Variants in GNAT3 observed in about 807,000 individuals in gnomAD.
GNAT3 encodes the protein G protein subunit alpha transducin 3.
GNAT3 carries 31 observed loss-of-function variants against 37.7 expected under a neutral mutation model. The ratio of observed to expected loss-of-function variants is 0.82; its 90% CI spans 0.62 to 1.11. The LOEUF (loss-of-function observed/expected upper bound fraction) is 1.11, where lower values mean the gene tolerates loss of function less well. Ranked by LOEUF, GNAT3 falls within the 50% of genes most tolerant of loss-of-function variation. The pLI is 0.00. For missense variants in GNAT3, 437 were observed against 412.5 expected (o/e 1.06, Z -0.51); for synonymous variants, 138 against 139.8 (o/e 0.99, Z 0.09).
chr7:80,486,927 A>G (rs1790495184), intron 3 of GNAT3, among the ~76,000 whole-genome samples: 1 of 152,110 alleles, frequency 6.6e-6, no homozygotes, highest in Non-Finnish European at 1.5e-5. Context: ...GCATCTACAA[A>G]TTTAAACATC....
intron 7 of GNAT3, among the ~76,000 whole-genome samples, chr7:80,460,729 C>T (rs193123065): frequency 6.7e-6 from 1 of 150,178 alleles, no homozygotes; most frequent in East Asian, 2.0e-4. Flanking sequence ...GCCTGGGCAA[C>T]AGGGTGAGAC....
chr7:80,485,164 T>TTG (rs202006387), intron 3 of GNAT3, among the ~76,000 whole-genome samples: 3,805 of 102,518 alleles, frequency 0.037, 69 homozygotes, highest in Middle Eastern at 0.06. Flanking sequence ...GCAGAAAATA[T>TTG]TGTGTGTTTT....
At chr7:80,475,822 T>TA (rs1333306320) in intron 4 of GNAT3, among the ~76,000 whole-genome samples, 1 of 152,060 alleles carries the variant, frequency 6.6e-6, no homozygotes, top group East Asian at 1.9e-4. Flanking sequence ...CGGCCGAGAG[T>TA]AAAAATCACA....
intron 3 of GNAT3, 66 bp from the exon 4 acceptor site, chr7:80,479,064 G>A (rs1010872579): frequency 1.8e-6 from 2 of 1,104,794 alleles, no homozygotes; most frequent in Non-Finnish European, 2.6e-6. Context: ...TTTTCTAATA[G>A]AGTAATTTAC....
chr7:80,471,611 T>G (rs2116156417), intron 5 of GNAT3, among the ~76,000 whole-genome samples: 1 of 152,204 alleles, frequency 6.6e-6, no homozygotes, highest in Middle Eastern at 3.4e-3. Flanking sequence ...CCCTCCCGCC[T>G]TCTCTCTGAA....
intron 1 of GNAT3, among the ~76,000 whole-genome samples, chr7:80,499,120 A>T (rs918333625): frequency 1.3e-5 from 2 of 152,114 alleles, no homozygotes; most frequent in African/African-American, 4.8e-5. Flanking sequence ...ATAATTGTAT[A>T]GTAGAAAGAA....
At chr7:80,497,535 TATATATAC>T (rs1209091060) in intron 1 of GNAT3, among the ~76,000 whole-genome samples, 6 of 149,328 alleles carry the variant, frequency 4.0e-5, no homozygotes, top group East Asian at 4.0e-4. Flanking sequence ...TCTCTCTCTA[TATATATAC>T]ACATATACGT....
In GNAT3 at chr7:80,488,534, C is replaced by G; in HGVS notation, c.303+1G>C. On this transcript the variant is annotated splice_donor_variant, in intron 3 of 7. Coordinates refer to ENST00000398291, the MANE Select transcript of GNAT3 (RefSeq NM_001102386.3). LOFTEE classifies it high-confidence loss of function. ...ACAGCTGTCATTATTTGCATACTTACTGCACTTCTGGGATTTACATAATCA... is the reference window on the plus strand; with the variant it reads ...ACAGCTGTCATTATTTGCATACTTAGTGCACTTCTGGGATTTACATAATCA... 6.3e-7 allele frequency: 1 copy of G among 1,599,306 alleles called. No individual in the cohort carries two copies. The highest frequency in any genetic ancestry group is 8.5e-7 in the Non-Finnish European group (1 of 1,171,480).
intron 1 of GNAT3, among the ~76,000 whole-genome samples, chr7:80,506,322 A>G (rs1245948205): frequency 6.6e-6 from 1 of 152,202 alleles, no homozygotes; most frequent in Non-Finnish European, 1.5e-5. Flanking sequence ...ATGTTTTACT[A>G]AATGGTTTGC....
At chr7:80,489,279 A>G (rs1348337505) in intron 2 of GNAT3, among the ~76,000 whole-genome samples, 1 of 152,058 alleles carries the variant, frequency 6.6e-6, no homozygotes, top group Non-Finnish European at 1.5e-5. Context: ...TCTACCTTCC[A>G]CTCATTCAGC....
At chr7:80,484,743 T>A (rs908330481) in intron 3 of GNAT3, among the ~76,000 whole-genome samples, 1 of 152,092 alleles carries the variant, frequency 6.6e-6, no homozygotes, top group African/African-American at 2.4e-5. Context: ...TTTCAAGTTC[T>A]ATGCTTAGGA....
intron 1 of GNAT3, among the ~76,000 whole-genome samples, chr7:80,497,881 A>C (rs1790763623): frequency 6.6e-6 from 1 of 152,078 alleles, no homozygotes; most frequent in African/African-American, 2.4e-5. Flanking sequence ...TAATTTCTAC[A>C]ATAAAGTGAA....
intron 7 of GNAT3, 123 bp from the exon 8 acceptor site, chr7:80,458,984 G>A: frequency 3.1e-6 from 2 of 651,024 alleles, no homozygotes; most frequent in South Asian, 4.4e-5. Flanking sequence ...AAATCATAAA[G>A]GCAACGGTCA....
intron 3 of GNAT3, among the ~76,000 whole-genome samples, chr7:80,481,803 C>T (rs780045208): frequency 4.6e-5 from 7 of 152,156 alleles, no homozygotes; most frequent in Non-Finnish European, 8.8e-5. Context: ...TTGGTCTCCA[C>T]AGACTCTTAA....
intron 5 of GNAT3, among the ~76,000 whole-genome samples, chr7:80,463,833 C>A (rs1790092942): frequency 7.0e-6 from 1 of 141,862 alleles, no homozygotes; most frequent in Non-Finnish European, 1.6e-5. Context: ...TTCTCTCATG[C>A]CTTGATAACT....
intron 1 of GNAT3, among the ~76,000 whole-genome samples, chr7:80,500,990 C>G (rs1790822263): frequency 6.6e-6 from 1 of 151,598 alleles, no homozygotes; most frequent in South Asian, 2.1e-4. Context: ...GGATGATTGA[C>G]CTGCCATTGT....
chr7:80,486,612 T>A (rs1190622992), intron 3 of GNAT3: 2 of 121,520 alleles, frequency 1.6e-5, no homozygotes, highest in Non-Finnish European at 3.0e-5. Context: ...GCCTAGCTAT[T>A]TTTTTTTCTT....
chr7:80,494,626 C>CT lies in GNAT3; in HGVS notation c.139dup (p.Ser47LysfsTer5), dbSNP rs1562731143. 1 of 1,532,234 alleles carries CT rather than the reference C, an allele frequency of 6.5e-7. No homozygotes were observed. Among genetic ancestry groups the CT allele is most frequent in the Non-Finnish European group, 8.9e-7 (1 of 1,119,476 alleles). The allele number at this position is 1,532,234 out of a possible 1,614,324, so 94.9% of individuals were successfully genotyped here. ...CTACTTCATTTGTTTAACAATAGTA[C>CT]TTTTCCCAGATTCTCCTGCTCCTGC... On this transcript the variant is annotated frameshift_variant, in exon 2 of 8. Transcript: ENST00000398291. LOFTEE classifies it high-confidence loss of function.
At chr7:80,487,012 A>G (rs186506214) in intron 3 of GNAT3, among the ~76,000 whole-genome samples, 10 of 152,286 alleles carry the variant, frequency 6.6e-5, no homozygotes, top group Admixed American at 5.2e-4. Flanking sequence ...GAAAAAATAA[A>G]TATTTCTAAT....
Sources: gnomAD v4.1 joint callset for allele counts (sites outside exome capture counted in the v4.1 genomes callset) on GRCh38, gnomAD v4.1.1 for gene constraint, MANE v1.5 for transcripts, NCBI Gene and HGNC (gene_info 2026-07-23, HGNC 2026-07-21) for gene names.